PRDM11: variants seen among roughly 807,000 people sequenced by gnomAD.
The protein encoded by PRDM11 is PR/SET domain 11.
A neutral mutation model predicts 97.8 loss-of-function variants in PRDM11; 20 were observed. The ratio of observed to expected loss-of-function variants is 0.20; its 90% confidence interval spans 0.14 to 0.30. PRDM11 has a LOEUF of 0.30. Ranked by LOEUF, PRDM11 falls within the 10% of genes least tolerant of loss-of-function variation. PRDM11 has a pLI of 1.00. For missense variants in PRDM11, 1,139 were observed against 1,555.2 expected (o/e 0.73, Z 4.50); for synonymous variants, 599 against 637.7 (o/e 0.94, Z 0.91).
intron 6 of PRDM11, among the ~76,000 whole-genome samples, chr11:45,222,614 T>C (rs750035951): frequency 7.2e-5 from 11 of 152,210 alleles, no homozygotes; most frequent in Admixed American, 2.6e-4. Context: ...TAGGTATTCA[T>C]GTGAGGACAG....
chr11:45,105,935 C>T (rs1852054593), intron 1 of PRDM11, among the ~76,000 whole-genome samples: 1 of 152,216 alleles, frequency 6.6e-6, no homozygotes. Context: ...GCTGGACCGA[C>T]CCTTCTAACA....
In PRDM11 at chr11:45,111,622, C is replaced by T. The variant is rs567531919; in HGVS notation, c.96+15721C>T. Among the ~76,000 whole-genome samples, 68 of 152,294 alleles carry T rather than the reference C, an allele frequency of 4.5e-4. 1 individual carries two copies. The South Asian group carries it at 0.014, about 31-fold the overall frequency. On this transcript the variant is annotated intron_variant, in intron 1 of 6. Coordinates refer to the PRDM11 transcript ENST00000530656. ...ATGGTTCCTCCCACATCCACAATAA[C>T]AGGGCCCCAAATCAGAGAGTGGGAG...
At chr11:45,120,846 T>C (rs1018149266) in intron 1 of PRDM11, among the ~76,000 whole-genome samples, 12 of 152,138 alleles carry the variant, frequency 7.9e-5, no homozygotes, top group Non-Finnish European at 1.6e-4. Context: ...TCATAATATA[T>C]GTATGAGTAC....
intron 1 of PRDM11, among the ~76,000 whole-genome samples, chr11:45,127,766 G>C (rs563374706): frequency 2.0e-5 from 3 of 152,358 alleles, no homozygotes; most frequent in African/African-American, 7.2e-5. Flanking sequence ...TGCCCCTACC[G>C]GGGGGTGCCT....
intron 1 of PRDM11, among the ~76,000 whole-genome samples, chr11:45,117,642 G>A (rs1326515084): frequency 6.6e-6 from 1 of 152,160 alleles, no homozygotes; most frequent in African/African-American, 2.4e-5. Flanking sequence ...AGCTACTCAA[G>A]AGGCTGAGGC....
chr11:45,158,616 A>T (rs931829952), intron 1 of PRDM11, among the ~76,000 whole-genome samples: 1 of 152,084 alleles, frequency 6.6e-6, no homozygotes, highest in Admixed American at 6.5e-5. Context: ...GCTGTACCCG[A>T]CTTGGTTGGT....
intron 1 of PRDM11, among the ~76,000 whole-genome samples, chr11:45,123,514 T>G (rs1852490957): frequency 6.6e-6 from 1 of 152,144 alleles, no homozygotes; most frequent in Non-Finnish European, 1.5e-5. Context: ...CTTGAATTAA[T>G]TTTTGTATAA....
chr11:45,094,514 A>G (rs1307597678), upstream of PRDM11, among the ~76,000 whole-genome samples: 1 of 149,114 alleles, frequency 6.7e-6, no homozygotes, highest in African/African-American at 2.5e-5. Flanking sequence ...AGGAAGGAAG[A>G]ACATGCAGGA....
intron 5 of PRDM11, among the ~76,000 whole-genome samples, chr11:45,216,646 A>G (rs767512068): frequency 5.9e-5 from 9 of 152,250 alleles, no homozygotes; most frequent in African/African-American, 9.6e-5. Context: ...GAGTTGCCAT[A>G]TACATTGTAT....
chr11:45,153,545 T>C (rs1851713634), intron 1 of PRDM11, among the ~76,000 whole-genome samples: 1 of 152,116 alleles, frequency 6.6e-6, no homozygotes, highest in African/African-American at 2.4e-5. Flanking sequence ...GGGGGAGGCA[T>C]GGGGGTCCTC....
chr11:45,124,599 T>C (rs1852521342), intron 1 of PRDM11, among the ~76,000 whole-genome samples: 1 of 152,268 alleles, frequency 6.6e-6, no homozygotes, highest in African/African-American at 2.4e-5. Flanking sequence ...GAGATAATCA[T>C]GTGGTTTTTG....
chr11:45,211,992 C>G (rs1389795904), intron 5 of PRDM11, among the ~76,000 whole-genome samples: 2 of 152,198 alleles, frequency 1.3e-5, no homozygotes, highest in Non-Finnish European at 2.9e-5. Context: ...CGTCTTAGTA[C>G]CTTTAGGCAG....
chr11:45,183,651 A>G (rs1029858771), intron 4 of PRDM11, among the ~76,000 whole-genome samples: 1 of 152,222 alleles, frequency 6.6e-6, no homozygotes, highest in Non-Finnish European at 1.5e-5. Flanking sequence ...AACACAGGGT[A>G]CTATCAATAG....
At chr11:45,168,224 A>C (rs758755839) in intron 1 of PRDM11, among the ~76,000 whole-genome samples, 10 of 152,156 alleles carry the variant, frequency 6.6e-5, no homozygotes, top group Non-Finnish European at 1.2e-4. Context: ...TGGGGGCAGG[A>C]GCTGTGGGCC....
chr11:45,142,480 G>T (rs937209233), upstream of PRDM11, among the ~76,000 whole-genome samples: 2 of 152,154 alleles, frequency 1.3e-5, no homozygotes, highest in Middle Eastern at 3.4e-3. Context: ...CTGTCCTCAT[G>T]ATCTAGGGAT....
At chr11:45,164,018 G>C (rs1011328146) in intron 1 of PRDM11, among the ~76,000 whole-genome samples, 1 of 152,216 alleles carries the variant, frequency 6.6e-6, no homozygotes, top group African/African-American at 2.4e-5. Context: ...TGAGATCCAG[G>C]TTTGAATCCT....
chr11:45,200,931 A>C (rs768662105), intron 4 of PRDM11, among the ~76,000 whole-genome samples: 9 of 152,162 alleles, frequency 5.9e-5, no homozygotes, highest in Non-Finnish European at 1.0e-4. Context: ...TGTATCTCCT[A>C]GACTATCTAT....
At chr11:45,209,468 T>C (rs1853638728) in intron 5 of PRDM11, among the ~76,000 whole-genome samples, 1 of 152,178 alleles carries the variant, frequency 6.6e-6, no homozygotes, top group Non-Finnish European at 1.5e-5. Context: ...CTTTTTGCAT[T>C]CATTCTCGAA....
chr11:45,119,423 C>A (rs1397709875), intron 1 of PRDM11, among the ~76,000 whole-genome samples: 1 of 151,906 alleles, frequency 6.6e-6, no homozygotes, highest in Non-Finnish European at 1.5e-5. Flanking sequence ...GTCAGGAGAT[C>A]GAGACCATTC....
Sources: gnomAD v4.1 joint callset for allele counts (sites outside exome capture counted in the v4.1 genomes callset) on GRCh38, gnomAD v4.1.1 for gene constraint, MANE v1.5 for transcripts, NCBI Gene and HGNC (gene_info 2026-07-23, HGNC 2026-07-21) for gene names.